The following NLRP8 variants were observed in gnomAD, a reference collection of about 807,000 sequenced individuals.
NLRP8 encodes NACHT, LRR and PYD domains-containing protein 8.
A neutral mutation model predicts 88.7 loss-of-function variants in NLRP8; 86 were observed. The observed-to-expected ratio is 0.97, with a 90% confidence interval of 0.81 to 1.16. The LOEUF (loss-of-function observed/expected upper bound fraction) is 1.16. Ranked by LOEUF, NLRP8 falls within the 50% of genes most tolerant of loss-of-function variation. The pLI is 0.00. For missense variants in NLRP8, 1,342 were observed against 1,286.5 expected, an observed-to-expected ratio of 1.04 and a Z score of -0.66; for synonymous variants, 504 against 494.6, an observed-to-expected ratio of 1.02 and a Z score of -0.25.
At position 55,987,777 on chromosome 19, in the gene NLRP8, T is replaced by C. The variant is rs554803514; in HGVS notation, c.3048-37T>C. Reference sequence around the variant, plus strand: ...AGGGAAGTCACTCATCCTCAGAAAATAACCTCAACCAGCAGCCTTCCTTTA... The same window carrying C: ...AGGGAAGTCACTCATCCTCAGAAAACAACCTCAACCAGCAGCCTTCCTTTA... On this transcript the variant is annotated intron_variant, in intron 9 of 9. Coordinates refer to ENST00000291971, the MANE Select transcript of NLRP8 (RefSeq NM_176811.2). The C allele has an allele frequency of 2.4e-5, 36 of 1,502,578 alleles. 1 individual carries two copies. In the South Asian group the frequency reaches 3.0e-4, roughly 13 times the overall value. The allele number at this position is 1,502,578 out of a possible 1,614,324, so 93.1% of individuals were successfully genotyped here. A position where few individuals can be genotyped will look rare whatever the true frequency, so the allele number is the denominator to read the frequency against.
intron 1 of NLRP8, among the ~76,000 whole-genome samples, chr19:55,950,584 C>CA (rs1399414194): frequency 3.3e-5 from 5 of 152,160 alleles, no homozygotes; most frequent in Admixed American, 6.5e-5. Context: ...AGCAACGCAG[C>CA]AAAAAAATCG....
chr19:55,985,574 A>G (rs1980770322), intron 9 of NLRP8, among the ~76,000 whole-genome samples: 1 of 152,210 alleles, frequency 6.6e-6, no homozygotes, highest in African/African-American at 2.4e-5. Flanking sequence ...CTCATACCAT[A>G]TACAAAATTA....
In NLRP8 at chr19:55,956,015, C is replaced by T; in HGVS notation, c.1957C>T (p.Gln653Ter). ...GTCTGCTTTTTGCCTGAAGCGGTGT[C>T]AATATTTGCATGAGGTGGAACTGAC... is the stretch of plus-strand genomic sequence containing the variant. Residue 653 changes from glutamine to a stop codon, truncating the protein, a stop_gained, in exon 3 of 10, where the codon CAA becomes TAA. Coordinates refer to ENST00000291971, the MANE Select transcript of NLRP8 (RefSeq NM_176811.2). LOFTEE classifies it high-confidence loss of function. 2 of 1,614,106 alleles carry T rather than the reference C, an allele frequency of 1.2e-6. No individual in the cohort carries two copies. Among genetic ancestry groups the T allele is most frequent in the Non-Finnish European group, 1.7e-6 (2 of 1,180,030 alleles).
At chr19:55,974,813 C>G (rs536809441) in intron 7 of NLRP8, among the ~76,000 whole-genome samples, 1 of 151,802 alleles carries the variant, frequency 6.6e-6, no homozygotes, top group East Asian at 1.9e-4. Flanking sequence ...TTGGCAGTTA[C>G]CCGAGAGACT....
rs1175879328 is a variant in NLRP8 at position 55,954,626 on chromosome 19, C to A, written c.568C>A (p.Pro190Thr). 1 of 1,614,120 alleles carries A rather than the reference C, an allele frequency of 6.2e-7. No homozygotes were observed. Among genetic ancestry groups the A allele is most frequent in the African/African-American group, 1.3e-5 (1 of 75,038 alleles). Residue 190 changes from proline (P) to threonine (T), a missense_variant, in exon 3 of 10, where the codon CCA (proline) becomes ACA (threonine). Pro to Thr is a conservative substitution (Grantham distance 38). Coordinates refer to ENST00000291971, the MANE Select transcript of NLRP8 (RefSeq NM_176811.2). ...TGTACACAGGCACGAGGAGTACTTA[C>A]CATGTCTGCTTCTGCCCAAAAGACC...
At chr19:55,958,991 G>C (rs1265065133) in intron 3 of NLRP8, among the ~76,000 whole-genome samples, 1 of 152,038 alleles carries the variant, frequency 6.6e-6, no homozygotes, top group Non-Finnish European at 1.5e-5. Context: ...CCATTCTCCT[G>C]CCTCAGCCTC....
At chr19:55,949,699 G>A (rs1014432528) in intron 1 of NLRP8, among the ~76,000 whole-genome samples, 1 of 151,492 alleles carries the variant, frequency 6.6e-6, no homozygotes, top group African/African-American at 2.4e-5. Flanking sequence ...CTGTGAACCC[G>A]CCTCTCCCAA....
At position 55,987,990 on chromosome 19, in the gene NLRP8, T is replaced by C. The variant is rs1195981569; in HGVS notation, c.*77T>C. 1 of 1,082,254 alleles carries C rather than the reference T, an allele frequency of 9.2e-7. No individual in the cohort carries two copies. Among genetic ancestry groups the C allele is most frequent in the Non-Finnish European group, 1.4e-6 (1 of 702,728 alleles). 67.0% of individuals were successfully genotyped at this position (1,082,254 alleles called of 1,614,324 possible). Reference sequence around the variant, plus strand: ...AACTGGCAAATACCAGGCGTTATCATCCTGTATGCATTAACGTACTTTCCC... The same window carrying C: ...AACTGGCAAATACCAGGCGTTATCACCCTGTATGCATTAACGTACTTTCCC... On this transcript the variant is annotated 3_prime_UTR_variant, in exon 10 of 10. Transcript: ENST00000291971.
At chr19:55,950,851 G>T (rs568985850) in intron 1 of NLRP8, among the ~76,000 whole-genome samples, 4 of 152,184 alleles carry the variant, frequency 2.6e-5, no homozygotes, top group Admixed American at 2.6e-4. Flanking sequence ...AGGCCGAGGC[G>T]GGAGGATCAT....
intron 3 of NLRP8, among the ~76,000 whole-genome samples, chr19:55,958,120 T>C (rs1378399148): frequency 1.3e-5 from 2 of 152,124 alleles, no homozygotes; most frequent in Admixed American, 6.6e-5. Flanking sequence ...CCCGTGGCTA[T>C]GACGAGAAGA....
At position 55,951,539 on chromosome 19, in the gene NLRP8, G is replaced by C. The variant is rs541974535; in HGVS notation, c.368-999G>C. Reference sequence around the variant, plus strand: ...ATGTGCACACATACATAGATATTAAGCTAGAAGTTCCTTGGTATCCATGGG... The same window carrying C: ...ATGTGCACACATACATAGATATTAACCTAGAAGTTCCTTGGTATCCATGGG... On this transcript the variant is annotated intron_variant, in intron 1 of 9. Coordinates refer to ENST00000291971, the MANE Select transcript of NLRP8 (RefSeq NM_176811.2). 2.7e-3 allele frequency among the ~76,000 whole-genome samples: 406 copies of C among 152,292 alleles called. 1 individual carries two copies. The highest frequency in any genetic ancestry group is 9.2e-3 in the African/African-American group (383 of 41,560).
rs775679678 is a variant in NLRP8 at position 55,955,206 on chromosome 19, C to T, written c.1148C>T (p.Ala383Val). Reference sequence around the variant, plus strand: ...GAGGGAGACCAAGTCTTGAGTTTCGCCATGGAAAACACCATTCTCTTCTCC... The same window carrying T: ...GAGGGAGACCAAGTCTTGAGTTTCGTCATGGAAAACACCATTCTCTTCTCC... The change falls in exon 3 of 10, where the codon GCC (alanine) becomes GTC (valine). Residue 383 changes from alanine (A) to valine (V), a missense_variant. Ala to Val is a moderately conservative substitution (Grantham distance 64). Transcript: ENST00000291971. 21 of 1,613,986 alleles carry T rather than the reference C, an allele frequency of 1.3e-5. No homozygotes were observed. The highest frequency in any genetic ancestry group is 6.7e-5 in the East Asian group (3 of 44,886).
intron 5 of NLRP8, among the ~76,000 whole-genome samples, chr19:55,966,624 C>G (rs2123207425): frequency 6.6e-6 from 1 of 152,264 alleles, no homozygotes; most frequent in South Asian, 2.1e-4. Flanking sequence ...GAAACTCCAT[C>G]TCTACTAAAA....
At position 55,955,251 on chromosome 19, in the gene NLRP8, T is replaced by G; in HGVS notation, c.1193T>G (p.Val398Gly). 1 of 1,614,154 alleles carries G rather than the reference T, an allele frequency of 6.2e-7. No homozygotes were observed. Among genetic ancestry groups the G allele is most frequent in the Non-Finnish European group, 8.5e-7 (1 of 1,180,024 alleles). Residue 398 changes from valine to glycine, a missense_variant, in exon 3 of 10, where the codon GTT becomes GGT. By Grantham distance (109) the Val-to-Gly change is moderately radical (BLOSUM62 -3). Transcript: ENST00000291971. ...TTCTCCATGTGCCGGGTCCCTGTGG[T>G]TTGCTGGATGGTCTGCTCTGGTCTG...
intron 8 of NLRP8, among the ~76,000 whole-genome samples, chr19:55,977,152 C>T (rs79336337): frequency 0.13 from 18,767 of 141,980 alleles, 1,420 homozygotes; most frequent in East Asian, 0.22. Flanking sequence ...TACGTATATA[C>T]GTATATAAAG....
intron 3 of NLRP8, among the ~76,000 whole-genome samples, chr19:55,960,048 C>T (rs917439878): frequency 6.6e-6 from 1 of 151,920 alleles, no homozygotes; most frequent in East Asian, 1.9e-4. Context: ...CTAATAAAAA[C>T]TTGTTTAATC....
intron 1 of NLRP8, among the ~76,000 whole-genome samples, chr19:55,950,203 G>A (rs1288787153): frequency 6.6e-6 from 1 of 151,092 alleles, no homozygotes. Flanking sequence ...CCAAGGTCAG[G>A]AGTTCAAGAC....
chr19:55,983,255 G>A (rs1338970065), intron 9 of NLRP8, among the ~76,000 whole-genome samples: 1 of 152,000 alleles, frequency 6.6e-6, no homozygotes, highest in African/African-American at 2.4e-5. Context: ...TCTGAGGTCA[G>A]GAGTTCGAGA....
At position 55,956,163 on chromosome 19, in the gene NLRP8, C is replaced by T. The variant is rs371812311; in HGVS notation, c.2042+63C>T. 111 of 1,517,370 alleles carry T rather than the reference C, an allele frequency of 7.3e-5. 1 individual carries two copies. The South Asian group carries it at 1.0e-3, about 14-fold the overall frequency. The allele number at this position is 1,517,370 out of a possible 1,614,324, so 94.0% of individuals were successfully genotyped here. A position where few individuals can be genotyped will look rare whatever the true frequency, so the allele number is the denominator to read the frequency against. On this transcript the variant is annotated intron_variant, in intron 3 of 9. Transcript: ENST00000291971. ...CCCGGAGGCCTTGACTATGGTGTCC[C>T]GGGTGTTTAGGGGGTCAATCTGCAA... is the stretch of plus-strand genomic sequence containing the variant.
Sources: allele counts gnomAD v4.1 joint callset (sites outside exome capture counted in the v4.1 genomes callset), GRCh38; gene constraint gnomAD v4.1.1; transcripts MANE v1.5; gene names NCBI Gene and HGNC (gene_info 2026-07-23, HGNC 2026-07-21).